Variants in NSMCE2 observed in about 807,000 individuals in gnomAD.
NSMCE2 encodes NSE2 SUMO ligase component of SMC5/6 complex.
A neutral mutation model predicts 23.8 loss-of-function variants in NSMCE2; 24 were observed. The ratio of observed to expected loss-of-function variants is 1.01; its 90% confidence interval spans 0.73 to 1.42. The LOEUF is 1.42. Ranked by LOEUF, NSMCE2 falls within the 40% of genes most tolerant of loss-of-function variation. NSMCE2 has a pLI of 0.00. For synonymous variants in NSMCE2, 92 were observed against 94.1 expected (o/e 0.98, Z 0.13); for missense variants, 284 against 296.5 (o/e 0.96, Z 0.31).
chr8:125,348,868 T>C (rs570512838), intron 5 of NSMCE2: 1 of 152,054 alleles, frequency 6.6e-6, no homozygotes, highest in African/African-American at 2.4e-5. Context: ...TACAGGAACC[T>C]AGGATTCAGC....
intron 5 of NSMCE2, among the ~76,000 whole-genome samples, chr8:125,290,251 ATGTCT>A (rs1361143797): frequency 2.0e-5 from 3 of 152,210 alleles, no homozygotes; most frequent in African/African-American, 7.2e-5. Flanking sequence ...TTAAGTAGAA[ATGTCT>A]TAGTCAAAAC....
intron 3 of NSMCE2, among the ~76,000 whole-genome samples, chr8:125,111,505 C>G (rs1226874982): frequency 6.6e-6 from 1 of 152,110 alleles, no homozygotes; most frequent in Non-Finnish European, 1.5e-5. Flanking sequence ...CTTTCATGTT[C>G]AAAATGTTTT....
intron 4 of NSMCE2, among the ~76,000 whole-genome samples, chr8:125,170,372 ATTTCTTTT>A (rs1822122156): frequency 4.1e-5 from 1 of 24,644 alleles, no homozygotes; most frequent in Non-Finnish European, 9.4e-5. Flanking sequence ...CTTACTCTTT[ATTTCTTTT>A]TTTTTTTTTT....
intron 4 of NSMCE2, among the ~76,000 whole-genome samples, chr8:125,173,573 C>G (rs1203456621): frequency 1.3e-5 from 2 of 152,178 alleles, no homozygotes; most frequent in South Asian, 2.1e-4. Context: ...CATCATTGTA[C>G]TCTTTCACTG....
intron 5 of NSMCE2, among the ~76,000 whole-genome samples, chr8:125,316,172 A>G (rs566340146): frequency 5.9e-5 from 9 of 152,190 alleles, no homozygotes; most frequent in African/African-American, 2.2e-4. Flanking sequence ...AGTGAATAGC[A>G]TGTCTTCTTT....
chr8:125,129,004 A>G (rs1479863138), intron 3 of NSMCE2, among the ~76,000 whole-genome samples: 1 of 152,230 alleles, frequency 6.6e-6, no homozygotes, highest in East Asian at 1.9e-4. Flanking sequence ...CTCACAGCAG[A>G]TAAGAACACG....
intron 5 of NSMCE2, among the ~76,000 whole-genome samples, chr8:125,355,428 C>T (rs771072228): frequency 1.3e-5 from 2 of 152,114 alleles, no homozygotes; most frequent in African/African-American, 2.4e-5. Flanking sequence ...GGCTGGGCCC[C>T]GTGGCTCATG....
Position 125,102,337 on chromosome 8 carries a change from G to A in NSMCE2, c.7G>A (p.Gly3Arg). 6.2e-7 allele frequency: 1 copy of A among 1,613,386 alleles called. No individual in the cohort carries two copies. Among genetic ancestry groups the A allele is most frequent in the African/African-American group, 1.3e-5 (1 of 75,010 alleles). Residue 3 changes from glycine (G) to arginine (R), a missense_variant, in exon 3 of 8, where the codon GGA (glycine) becomes AGA (arginine). Gly to Arg is a moderately radical substitution (Grantham distance 125). This residue lies in a region of NSMCE2 where 182 missense variants were observed against 155.5 expected (regional missense o/e 1.17). Transcript: ENST00000287437. MP[G>R]RSSSNSGSTG... is the part of the protein sequence containing the mutation. The stretch of plus-strand genomic sequence containing the variant: ...CTTAGGTACTAATTTCAAGATGCCA[G>A]GACGTTCCAGTTCAAATTCAGGTTC...
intron 5 of NSMCE2, among the ~76,000 whole-genome samples, chr8:125,270,451 C>A (rs1171570605): frequency 6.6e-6 from 1 of 151,964 alleles, no homozygotes; most frequent in Non-Finnish European, 1.5e-5. Context: ...GGTGACAGAG[C>A]GAGACTGTGT....
At chr8:125,279,057 G>C (rs1729460987) in intron 5 of NSMCE2, among the ~76,000 whole-genome samples, 1 of 152,162 alleles carries the variant, frequency 6.6e-6, no homozygotes. Context: ...TTTTAAATAA[G>C]TGGATTTATG....
chr8:125,221,205 A>C (rs1009265334), intron 5 of NSMCE2, among the ~76,000 whole-genome samples: 9 of 152,228 alleles, frequency 5.9e-5, no homozygotes, highest in Non-Finnish European at 1.0e-4. Flanking sequence ...AATGAGTCTC[A>C]GCATAGCCCA....
At chr8:125,341,543 T>C (rs1364145224) in intron 5 of NSMCE2, among the ~76,000 whole-genome samples, 3 of 152,206 alleles carry the variant, frequency 2.0e-5, no homozygotes, top group African/African-American at 2.4e-5. Flanking sequence ...GTTCTCCTTA[T>C]GTGGTTTTTG....
chr8:125,292,273 C>T (rs1299259725), intron 5 of NSMCE2, among the ~76,000 whole-genome samples: 2 of 151,528 alleles, frequency 1.3e-5, no homozygotes, highest in East Asian at 1.9e-4. Flanking sequence ...TGTGGGAGGC[C>T]AGGGGGAGCA....
chr8:125,282,887 A>T (rs1441653160), intron 5 of NSMCE2, among the ~76,000 whole-genome samples: 1 of 152,216 alleles, frequency 6.6e-6, no homozygotes, highest in African/African-American at 2.4e-5. Context: ...ATTTTTACCG[A>T]AATTATGGAT....
chr8:125,356,055 T>A (rs1813260793), intron 5 of NSMCE2, among the ~76,000 whole-genome samples: 1 of 152,186 alleles, frequency 6.6e-6, no homozygotes, highest in Non-Finnish European at 1.5e-5. Context: ...ATCTGCCTGT[T>A]TCACTCTCAT....
At chr8:125,251,953 T>C (rs535642888) in intron 5 of NSMCE2, among the ~76,000 whole-genome samples, 92 of 152,272 alleles carry the variant, frequency 6.0e-4, no homozygotes, top group Admixed American at 3.3e-3. Flanking sequence ...CTTTTTAACA[T>C]GCTGGATCTA....
At chr8:125,360,459 T>C (rs1813487529) in intron 7 of NSMCE2, among the ~76,000 whole-genome samples, 1 of 152,218 alleles carries the variant, frequency 6.6e-6, no homozygotes, top group South Asian at 2.1e-4. Flanking sequence ...TTCGTTCTGC[T>C]CACTGTGATG....
chr8:125,222,444 A>G (rs573788506), intron 5 of NSMCE2, among the ~76,000 whole-genome samples: 1 of 152,302 alleles, frequency 6.6e-6, no homozygotes, highest in South Asian at 2.1e-4. Context: ...CGTGCTGTGC[A>G]ATAGATCACT....
At chr8:125,150,981 G>GCA (rs1820983440) in intron 3 of NSMCE2, among the ~76,000 whole-genome samples, 190 bp from the exon 4 acceptor site, 1 of 151,940 alleles carries the variant, frequency 6.6e-6, no homozygotes, top group Non-Finnish European at 1.5e-5. Flanking sequence ...TTTGAATGAA[G>GCA]CATCATATGG....
Sources: allele counts gnomAD v4.1 joint callset (sites outside exome capture counted in the v4.1 genomes callset), GRCh38; gene constraint gnomAD v4.1.1; regional missense constraint gnomAD v4.1.1; transcripts MANE v1.5; gene names NCBI Gene and HGNC (gene_info 2026-07-23, HGNC 2026-07-21).